The following FMN2 variants were observed in gnomAD, a reference collection of about 807,000 sequenced individuals.
FMN2 encodes the protein formin-2.
In FMN2, 51 loss-of-function variants were observed where a neutral mutation model predicts 142.3. The observed-to-expected ratio is 0.36, with a 90% CI of 0.29 to 0.45. FMN2 has a LOEUF of 0.45. FMN2 is among the 20% of genes least tolerant of loss of function. The probability of loss-of-function intolerance (pLI) is 1.00; values close to 1 mark genes in which losing one functional copy is unlikely to be tolerated. For synonymous variants in FMN2, 882 were observed against 869.8 expected (o/e 1.01, Z -0.25); for missense variants, 1,936 against 2,122.8 (o/e 0.91, Z 1.73).
At chr1:240,193,912 A>G (rs1665810620) in intron 4 of FMN2, among the ~76,000 whole-genome samples, 1 of 151,956 alleles carries the variant, frequency 6.6e-6, no homozygotes, top group Admixed American at 6.6e-5. Flanking sequence ...AAATGTTCAG[A>G]CTCCTGAGTT....
intron 14 of FMN2, among the ~76,000 whole-genome samples, chr1:240,367,493 G>C (rs541967497): frequency 1.3e-5 from 2 of 152,146 alleles, no homozygotes; most frequent in African/African-American, 2.4e-5. Flanking sequence ...AATCCGGCGG[G>C]GGGCAGTGGC....
intron 3 of FMN2, among the ~76,000 whole-genome samples, chr1:240,187,053 T>A (rs1572036534): frequency 6.8e-6 from 1 of 146,570 alleles, no homozygotes. Flanking sequence ...GATCACGAGG[T>A]CAGGAGTTCG....
At chr1:240,117,854 A>C (rs1042064293) in intron 1 of FMN2, among the ~76,000 whole-genome samples, 58 of 152,226 alleles carry the variant, frequency 3.8e-4, no homozygotes, top group African/African-American at 1.2e-3. Context: ...ACGCTCCAGG[A>C]GTAGGAGACA....
intron 2 of FMN2, among the ~76,000 whole-genome samples, chr1:240,150,857 A>G (rs1374133923): frequency 6.6e-5 from 10 of 152,324 alleles, no homozygotes; most frequent in Admixed American, 5.9e-4. Flanking sequence ...TCTATTATGC[A>G]GAAGTCCCTA....
intron 7 of FMN2, among the ~76,000 whole-genome samples, chr1:240,271,145 G>C: frequency 1.0e-5 from 1 of 99,002 alleles, no homozygotes; most frequent in Admixed American, 1.0e-4. Flanking sequence ...TATTTGGATA[G>C]CCTACACATT....
At position 240,215,604 on chromosome 1, in the gene FMN2, G is replaced by A. The variant is rs112474944; in HGVS notation, c.4065+4369G>A. Among the ~76,000 whole-genome samples, 506 of 152,278 alleles carry A rather than the reference G, an allele frequency of 3.3e-3. 3 individuals carry two copies. Among genetic ancestry groups the A allele is most frequent in the Middle Eastern group, 0.017 (5 of 294 alleles). On this transcript the variant is annotated intron_variant, in intron 6 of 17. Coordinates refer to ENST00000319653, the MANE Select transcript of FMN2 (RefSeq NM_020066.5). The stretch of plus-strand genomic sequence containing the variant: ...ATTAAATACTTTAAAAAAAGAATTT[G>A]AATGTGTATTGGTTTTTCATATATG...
At chr1:240,275,647 G>A (rs1343347507) in intron 7 of FMN2, among the ~76,000 whole-genome samples, 4 of 151,962 alleles carry the variant, frequency 2.6e-5, no homozygotes, top group African/African-American at 9.7e-5. Flanking sequence ...TCTGGTTCTG[G>A]GTCCTTGAGA....
At chr1:240,334,299 G>A (rs1005451845) in intron 13 of FMN2, 70 bp downstream of exon 13, 48 of 1,431,756 alleles carry the variant, frequency 3.4e-5, no homozygotes, top group Non-Finnish European at 1.8e-5. Flanking sequence ...ACTTTTCAAT[G>A]TTTTTAGAGA....
chr1:240,445,889 G>A (rs905690361), intron 16 of FMN2, among the ~76,000 whole-genome samples: 1 of 151,994 alleles, frequency 6.6e-6, no homozygotes, highest in African/African-American at 2.4e-5. Context: ...TAAAGATTGT[G>A]GAAAATAGGT....
At chr1:240,347,942 T>C (rs1334809298) in intron 13 of FMN2, among the ~76,000 whole-genome samples, 2 of 152,244 alleles carry the variant, frequency 1.3e-5, no homozygotes, top group African/African-American at 4.8e-5. Flanking sequence ...CATTCCACTG[T>C]TGATGGGCAG....
At position 240,444,333 on chromosome 1, in the gene FMN2, C is replaced by T. The variant is rs141852154; in HGVS notation, c.5060+6123C>T. On this transcript the variant is annotated intron_variant, in intron 16 of 17. Coordinates refer to ENST00000319653, the MANE Select transcript of FMN2 (RefSeq NM_020066.5). ...TGCCCAGAGGACTTTTGACCTAGAA[C>T]GTGGAGCAAGTGTAGGATTTTCACA... Among the ~76,000 whole-genome samples, 522 of 152,286 alleles carry T rather than the reference C, an allele frequency of 3.4e-3. 2 individuals are homozygous for T. Among genetic ancestry groups the T allele is most frequent in the Non-Finnish European group, 2.9e-3 (197 of 68,020 alleles).
chr1:240,277,572 G>A (rs571627721), intron 7 of FMN2, among the ~76,000 whole-genome samples: 26 of 116,390 alleles, frequency 2.2e-4, no homozygotes, highest in African/African-American at 4.4e-4. Flanking sequence ...GCACTCTGTC[G>A]CCCAGGCTGG....
At chr1:240,341,684 A>T (rs1671746370) in intron 13 of FMN2, among the ~76,000 whole-genome samples, 1 of 152,092 alleles carries the variant, frequency 6.6e-6, no homozygotes, top group South Asian at 2.1e-4. Context: ...GACCCCCAAA[A>T]TCATTCACTG....
chr1:240,125,530 A>T lies in FMN2; in HGVS notation c.1782+2185A>T, dbSNP rs567687327. The stretch of plus-strand genomic sequence containing the variant: ...GTTCTAGAAGATATATTGATTTGGC[A>T]AGTTGGAACTATAATTAGTATAGTG... On this transcript the variant is annotated intron_variant, in intron 2 of 17. Transcript: ENST00000319653. 3.9e-5 allele frequency among the ~76,000 whole-genome samples: 6 copies of T among 152,328 alleles called. No homozygotes were observed. In the East Asian group the frequency reaches 1.2e-3, roughly 29 times the overall value.
chr1:240,466,907 T>C (rs1676638459), intron 16 of FMN2, among the ~76,000 whole-genome samples: 1 of 152,200 alleles, frequency 6.6e-6, no homozygotes, highest in African/African-American at 2.4e-5. Flanking sequence ...TTACTGCCTG[T>C]AAGTCCAGGA....
chr1:240,203,619 A>G (rs902518217), intron 4 of FMN2, among the ~76,000 whole-genome samples: 1 of 152,110 alleles, frequency 6.6e-6, no homozygotes, highest in African/African-American at 2.4e-5. Flanking sequence ...GAGAACACAT[A>G]GACACAGGTG....
At chr1:240,396,793 T>C (rs764647400) in intron 15 of FMN2, among the ~76,000 whole-genome samples, 7 of 152,234 alleles carry the variant, frequency 4.6e-5, no homozygotes, top group Non-Finnish European at 8.8e-5. Context: ...TTTCATTCAT[T>C]TTATAGTTGC....
At chr1:240,386,643 T>C (rs1431346168) in intron 14 of FMN2, among the ~76,000 whole-genome samples, 1 of 152,128 alleles carries the variant, frequency 6.6e-6, no homozygotes, top group Non-Finnish European at 1.5e-5. Flanking sequence ...AATAGTAACT[T>C]AGTAGGACAG....
intron 8 of FMN2, among the ~76,000 whole-genome samples, chr1:240,310,206 T>C (rs967604128): frequency 3.9e-5 from 6 of 152,342 alleles, no homozygotes; most frequent in African/African-American, 9.6e-5. Context: ...GGCATTCCAC[T>C]TCTTATCCTT....
Sources: gnomAD v4.1 joint callset for allele counts (sites outside exome capture counted in the v4.1 genomes callset) on GRCh38, gnomAD v4.1.1 for gene constraint, MANE v1.5 for transcripts, NCBI Gene and HGNC (gene_info 2026-07-23, HGNC 2026-07-21) for gene names.